The following NCOA2 variants were observed in gnomAD, a reference collection of about 807,000 sequenced individuals.
NCOA2 encodes the protein class E basic helix-loop-helix protein 75.
NCOA2 carries 21 observed loss-of-function variants against 145.1 expected under a neutral mutation model. The ratio of observed to expected loss-of-function variants is 0.14; its 90% CI spans 0.10 to 0.21. The LOEUF is 0.21. NCOA2 is among the 10% of genes least tolerant of loss of function. The probability of loss-of-function intolerance (pLI) is 1.00; values close to 1 mark genes in which losing one functional copy is unlikely to be tolerated. For synonymous variants in NCOA2, 619 were observed against 637.5 expected (o/e 0.97, Z 0.44); for missense variants, 1,472 against 1,837.6 (o/e 0.80, Z 3.64).
chr8:70,386,917 T>G (rs1236776919), intron 1 of NCOA2, among the ~76,000 whole-genome samples: 1 of 142,098 alleles, frequency 7.0e-6, no homozygotes, highest in Non-Finnish European at 1.5e-5. Flanking sequence ...ATATTTTTAG[T>G]TTTTTTTTAA....
At chr8:70,214,147 C>T (rs1819343231) in intron 3 of NCOA2, 72 bp from the exon 4 acceptor site, 1 of 1,405,474 alleles carries the variant, frequency 7.1e-7, no homozygotes, top group African/African-American at 1.5e-5. Flanking sequence ...ACGTGTTAAA[C>T]AAGTTTAATA....
intron 2 of NCOA2, among the ~76,000 whole-genome samples, chr8:70,293,489 A>T (rs916085945): frequency 6.6e-6 from 1 of 152,222 alleles, no homozygotes; most frequent in African/African-American, 2.4e-5. Context: ...TGAAGTATAT[A>T]TTGTGTTTTA....
chr8:70,202,920 C>T (rs1383818201), intron 4 of NCOA2, among the ~76,000 whole-genome samples: 9 of 152,094 alleles, frequency 5.9e-5, no homozygotes, highest in African/African-American at 2.2e-4. Context: ...GGGCTGGGCG[C>T]GGTAGCTTAT....
At chr8:70,208,137 T>G (rs1586101081) in intron 4 of NCOA2, among the ~76,000 whole-genome samples, 1 of 152,004 alleles carries the variant, frequency 6.6e-6, no homozygotes, top group African/African-American at 2.4e-5. Context: ...ATAGCCTTTT[T>G]GCTGATATGC....
At position 70,144,782 on chromosome 8, in the gene NCOA2, A is replaced by T. The variant is rs972464343; in HGVS notation, c.2672T>A (p.Ile891Asn). 2.5e-6 allele frequency: 4 copies of T among 1,613,862 alleles called. No individual in the cohort carries two copies. The highest frequency in any genetic ancestry group is 3.4e-6 in the Non-Finnish European group (4 of 1,179,880). ...LLPNQNLPLD[I>N]TLQSPTGAGP... ...AGCACCAGTTGGGCTTTGCAATGTG[A>T]TGTCAAGTGGTAAATTCTGGTTTGG... Residue 891 changes from isoleucine (I) to asparagine (N), a missense_variant, in exon 13 of 23, where the codon ATC becomes AAC. By Grantham distance (149) the Ile-to-Asn change is moderately radical. This residue lies in a region of NCOA2 where 953 missense variants were observed against 1,062.1 expected (regional missense o/e 0.90). Transcript: ENST00000452400.
chr8:70,235,572 G>A (rs1042147425), intron 2 of NCOA2, among the ~76,000 whole-genome samples: 34 of 152,110 alleles, frequency 2.2e-4, no homozygotes, highest in Admixed American at 1.1e-3. Flanking sequence ...GGCCAGGCGC[G>A]GTGGCTCACA....
chr8:70,166,899 AGAG>A, intron 6 of NCOA2, 145 bp from the exon 7 acceptor site: 6 of 757,288 alleles, frequency 7.9e-6, no homozygotes, highest in South Asian at 7.2e-5. Context: ...TTCATAATCT[AGAG>A]GAGGAAAAAT....
intron 4 of NCOA2, among the ~76,000 whole-genome samples, chr8:70,186,542 A>G (rs919916206): frequency 6.6e-6 from 1 of 152,180 alleles, no homozygotes; most frequent in African/African-American, 2.4e-5. Flanking sequence ...CCTCTTCCAG[A>G]AGAGAGCTGT....
At chr8:70,327,846 C>T (rs901646926) in intron 1 of NCOA2, among the ~76,000 whole-genome samples, 78 of 152,146 alleles carry the variant, frequency 5.1e-4, no homozygotes, top group African/African-American at 1.9e-3. Flanking sequence ...ACATTACCTA[C>T]CAAGAGCTTC....
chr8:70,219,411 G>A (rs1254218592), intron 2 of NCOA2, among the ~76,000 whole-genome samples: 1 of 152,132 alleles, frequency 6.6e-6, no homozygotes, highest in Non-Finnish European at 1.5e-5. Context: ...TACTGCACAT[G>A]TCCTCTTCTC....
intron 1 of NCOA2, among the ~76,000 whole-genome samples, chr8:70,318,180 A>G (rs985627584): frequency 2.6e-5 from 4 of 152,178 alleles, no homozygotes; most frequent in Non-Finnish European, 4.4e-5. Context: ...ATGCTTAATC[A>G]GCCCTATTTG....
chr8:70,405,310 TAAC>T (rs1459213383), upstream of NCOA2, among the ~76,000 whole-genome samples: 8 of 152,022 alleles, frequency 5.3e-5, no homozygotes, highest in African/African-American at 1.4e-4. Flanking sequence ...TGGAAGCCTA[TAAC>T]AACAAATGTT....
chr8:70,122,393 G>A (rs549945028), intron 21 of NCOA2, among the ~76,000 whole-genome samples: 123 of 151,534 alleles, frequency 8.1e-4, no homozygotes, highest in South Asian at 1.3e-3. Context: ...GGAATTATAA[G>A]CACCTGCCAC....
chr8:70,237,842 T>C (rs1821767819), intron 2 of NCOA2, among the ~76,000 whole-genome samples: 1 of 150,176 alleles, frequency 6.7e-6, no homozygotes, highest in African/African-American at 2.4e-5. Context: ...GCAGAACTAC[T>C]CCAAGAACAC....
At chr8:70,330,513 G>A (rs930882541) in intron 1 of NCOA2, among the ~76,000 whole-genome samples, 4 of 150,978 alleles carry the variant, frequency 2.6e-5, no homozygotes, top group Non-Finnish European at 4.4e-5. Context: ...CTAGGCTACA[G>A]TAGGCTCCAA....
rs965740277 is a variant in NCOA2 at position 70,176,560 on chromosome 8, G to C, written c.260-1701C>G. 3.3e-5 allele frequency among the ~76,000 whole-genome samples: 5 copies of C among 152,128 alleles called. No homozygotes were observed. The East Asian group carries it at 9.6e-4, about 29-fold the overall frequency. On this transcript the variant is annotated intron_variant, in intron 4 of 22. Coordinates refer to ENST00000452400, the MANE Select transcript of NCOA2 (RefSeq NM_006540.4). ...CACAGGATTGGCTTGGCCAATTATT[G>C]CATGTGACCGCCCCCACCCCCTTTT...
intron 10 of NCOA2, among the ~76,000 whole-genome samples, chr8:70,159,246 T>TATATATATATA (rs1812687288): frequency 1.2e-5 from 1 of 86,406 alleles, no homozygotes; most frequent in Non-Finnish European, 2.2e-5. Context: ...ATATATATTT[T>TATATATATATA]TTTTTTTTTC....
intron 19 of NCOA2, 76 bp from the exon 20 acceptor site, chr8:70,124,941 A>C: frequency 7.5e-7 from 1 of 1,337,290 alleles, no homozygotes; most frequent in Non-Finnish European, 1.0e-6. Context: ...GGGGGAAAGA[A>C]CATTCCAAAT....
At chr8:70,357,127 G>C (rs1809772968) in intron 1 of NCOA2, among the ~76,000 whole-genome samples, 1 of 151,984 alleles carries the variant, frequency 6.6e-6, no homozygotes, top group Non-Finnish European at 1.5e-5. Context: ...CATTATTTTA[G>C]CTATCAAATT....
Sources: gnomAD v4.1 joint callset for allele counts (sites outside exome capture counted in the v4.1 genomes callset) on GRCh38, gnomAD v4.1.1 for gene constraint, gnomAD v4.1.1 regional missense constraint, MANE v1.5 for transcripts, NCBI Gene and HGNC (gene_info 2026-07-23, HGNC 2026-07-21) for gene names.